Variants in LRRC37A2 observed in about 807,000 individuals in gnomAD.
LRRC37A2 encodes the protein leucine-rich repeat-containing protein 37A2.
LRRC37A2 carries 9 observed loss-of-function variants against 68.8 expected under a neutral mutation model. The observed-to-expected ratio is 0.13, with a 90% CI of 0.08 to 0.23. The LOEUF is 0.23. Among genes scored for constraint, LRRC37A2 ranks in the 10% least tolerant of loss-of-function variants. The pLI, the probability that LRRC37A2 is intolerant of heterozygous loss-of-function variation, is 1.00. For missense variants in LRRC37A2, 168 were observed against 950.4 expected (o/e 0.18, Z 10.82); for synonymous variants, 63 against 367.6 (o/e 0.17, Z 9.48).
the LRRC37A2 span, among the ~76,000 whole-genome samples, chr17:46,856,400 T>C: frequency 6.6e-6 from 1 of 152,212 alleles, no homozygotes; most frequent in East Asian, 1.9e-4. Context: ...GAAGTGTCAT[T>C]ACTATAATTC....
At chr17:46,739,268 G>A in the LRRC37A2 span, among the ~76,000 whole-genome samples, 2 of 151,750 alleles carry the variant, frequency 1.3e-5, no homozygotes, top group Non-Finnish European at 2.9e-5. Context: ...CTACTCAGGA[G>A]GCTGAGGCAG....
At chr17:46,749,305 C>G in the LRRC37A2 span, among the ~76,000 whole-genome samples, 1 of 152,032 alleles carries the variant, frequency 6.6e-6, no homozygotes, top group African/African-American at 2.4e-5. Flanking sequence ...GCACTTTAGC[C>G]CATGCCTTTT....
chr17:46,551,081 A>AG (rs1161940114), intron 11 of LRRC37A2, among the ~76,000 whole-genome samples: 7 of 150,072 alleles, frequency 4.7e-5, no homozygotes, highest in Non-Finnish European at 7.3e-5. Context: ...TTCACTGGTG[A>AG]GGGGGAACGT....
At chr17:46,946,282 C>CAAAAAAAAAA in the LRRC37A2 span, among the ~76,000 whole-genome samples, 5 of 126,714 alleles carry the variant, frequency 3.9e-5, no homozygotes, top group African/African-American at 9.5e-5. Context: ...CTAAAAATAC[C>CAAAAAAAAAA]AAAAAAAAAA....
the LRRC37A2 span, among the ~76,000 whole-genome samples, chr17:46,854,653 G>A: frequency 1.2e-4 from 19 of 152,218 alleles, no homozygotes; most frequent in African/African-American, 3.9e-4. Flanking sequence ...TAGTATTGCA[G>A]TTTACAAATC....
chr17:46,828,600 G>A, the LRRC37A2 span, among the ~76,000 whole-genome samples: 1 of 152,150 alleles, frequency 6.6e-6, no homozygotes, highest in Non-Finnish European at 1.5e-5. Flanking sequence ...GACTTGTGGG[G>A]AGAAAGGAAA....
chr17:46,763,174 G>C, the LRRC37A2 span: 1 of 152,072 alleles, frequency 6.6e-6, no homozygotes, highest in African/African-American at 2.4e-5. Flanking sequence ...AGAGAGAAGG[G>C]GGAGAAAGAA....
the LRRC37A2 span, among the ~76,000 whole-genome samples, chr17:46,490,613 A>C: frequency 1.3e-5 from 2 of 149,910 alleles, no homozygotes; most frequent in East Asian, 3.9e-4. Flanking sequence ...AGTCCCAGCT[A>C]CTTGGGAGGC....
the LRRC37A2 span, among the ~76,000 whole-genome samples, chr17:46,735,580 C>A: frequency 6.6e-6 from 1 of 151,972 alleles, no homozygotes. Flanking sequence ...AGAGATAATT[C>A]CTCATGTGTT....
At chr17:46,940,823 G>A in the LRRC37A2 span, 1 of 1,465,000 alleles carries the variant, frequency 6.8e-7, no homozygotes, top group Non-Finnish European at 9.0e-7. Context: ...CCTGCGGCTG[G>A]TGGACAGCAG....
chr17:46,946,068 A>G, the LRRC37A2 span, among the ~76,000 whole-genome samples: 1 of 152,118 alleles, frequency 6.6e-6, no homozygotes, highest in Non-Finnish European at 1.5e-5. Context: ...CCAGAACAGC[A>G]GCTGTGGCCA....
the LRRC37A2 span, among the ~76,000 whole-genome samples, chr17:46,675,636 A>G: frequency 7.4e-6 from 1 of 135,986 alleles, no homozygotes; most frequent in Admixed American, 8.1e-5. Context: ...ATCATAAGGA[A>G]AACACACACA....
the LRRC37A2 span, among the ~76,000 whole-genome samples, chr17:46,792,720 C>T: frequency 6.6e-6 from 1 of 152,220 alleles, no homozygotes; most frequent in African/African-American, 2.4e-5. Context: ...GATCTGCCCA[C>T]CTCTGCCTCC....
At chr17:46,793,861 C>G in the LRRC37A2 span, among the ~76,000 whole-genome samples, 3 of 152,162 alleles carry the variant, frequency 2.0e-5, no homozygotes. Flanking sequence ...TGCCATCGGC[C>G]AGGAAGTGGA....
At chr17:46,876,701 TAC>T in the LRRC37A2 span, 1 of 1,558,382 alleles carries the variant, frequency 6.4e-7, no homozygotes, top group Non-Finnish European at 8.7e-7. Flanking sequence ...GGAGCTTGTG[TAC>T]ACCTGCAAGC....
chr17:46,888,806 C>A, the LRRC37A2 span, among the ~76,000 whole-genome samples: 1 of 152,150 alleles, frequency 6.6e-6, no homozygotes, highest in South Asian at 2.1e-4. Flanking sequence ...TGAGCACCAC[C>A]AATGCACCTG....
chr17:46,840,009 TTCTTTCTTTCTTTCTTTC>T, the LRRC37A2 span, among the ~76,000 whole-genome samples: 2 of 55,490 alleles, frequency 3.6e-5, no homozygotes, highest in East Asian at 0.019. Context: ...TCTTCTTTCT[TTCTTTCTTTCTTTCTTTC>T]TTTCTTTTCT....
the LRRC37A2 span, chr17:46,948,579 G>A: frequency 2.0e-5 from 3 of 152,260 alleles, no homozygotes; most frequent in Admixed American, 1.3e-4. Context: ...CAGTGTCCTC[G>A]TAGGGGAAAT....
chr17:46,940,751 C>T, the LRRC37A2 span: 1 of 1,563,570 alleles, frequency 6.4e-7, no homozygotes, highest in Non-Finnish European at 8.6e-7. Context: ...CATGCTGCAC[C>T]TTCAGAGCCA....
Sources: gnomAD v4.1 joint callset for allele counts (sites outside exome capture counted in the v4.1 genomes callset) on GRCh38, gnomAD v4.1.1 for gene constraint, MANE v1.5 for transcripts, NCBI Gene and HGNC (gene_info 2026-07-23, HGNC 2026-07-21) for gene names.